Variants in BEND6 observed in about 807,000 individuals in gnomAD.
BEND6 encodes the protein BEN domain containing 6.
A neutral mutation model predicts 31.8 loss-of-function variants in BEND6; 24 were observed. The observed-to-expected ratio is 0.75, with a 90% CI of 0.55 to 1.06. BEND6 has a LOEUF of 1.06. BEND6 is among the 50% of genes least tolerant of loss of function. The pLI is 0.00. For missense variants in BEND6, 294 were observed against 327.4 expected (o/e 0.90, Z 0.79); for synonymous variants, 109 against 114.6 (o/e 0.95, Z 0.31).
Position 57,015,423 on chromosome 6 carries a change from A to G in BEND6, c.519+70A>G, listed in dbSNP as rs1449128520. 6.8e-6 allele frequency: 9 copies of G among 1,326,872 alleles called. 1 individual carries two copies. In the Admixed American group the frequency reaches 1.7e-4, roughly 26 times the overall value. The allele number at this position is 1,326,872 out of a possible 1,614,324, so 82.2% of individuals were successfully genotyped here. ...ATAAAAAATTTAAATAAGGGTGGAA[A>G]ATGATCATTGTTTTATCAGATAACT... On this transcript the variant is annotated intron_variant, in intron 4 of 6. Transcript: ENST00000370746.
At chr6:56,991,404 T>C (rs1186449568) in intron 2 of BEND6, among the ~76,000 whole-genome samples, 1 of 152,018 alleles carries the variant, frequency 6.6e-6, no homozygotes, top group Non-Finnish European at 1.5e-5. Context: ...AGACAGGGTA[T>C]CCCTCTGTCA....
rs118125038 is a variant in BEND6 at position 56,995,151 on chromosome 6, T to C, written c.298+2596T>C. 5.9e-5 allele frequency among the ~76,000 whole-genome samples: 9 copies of C among 152,152 alleles called. No individual in the cohort carries two copies. In the East Asian group the frequency reaches 1.7e-3, roughly 29 times the overall value. On this transcript the variant is annotated intron_variant, in intron 3 of 6. Transcript: ENST00000370746. ...GCTCCAGAGATTCTGCCCTGTCTCC[T>C]GCAAGATCAAGTTTTCCTTCTCTAA...
chr6:57,011,715 C>CAAAAAAAAAAAAAAAAAAAAAAAAAAAAA (rs770049459), intron 3 of BEND6, among the ~76,000 whole-genome samples: 3 of 34,106 alleles, frequency 8.8e-5, no homozygotes, highest in Non-Finnish European at 1.8e-4. Context: ...GGCCCTGTCT[C>CAAAAAAAAAAAAAAAAAAAAAAAAAAAAA]AAAAAAAAAA....
intron 1 of BEND6, among the ~76,000 whole-genome samples, chr6:56,978,183 T>C (rs986569062): frequency 2.6e-5 from 4 of 151,460 alleles, no homozygotes; most frequent in African/African-American, 9.7e-5. Flanking sequence ...CTCTGGAGAC[T>C]GAGGCAAGAG....
rs757716717 is a variant in BEND6, at chr6:56,981,881, C to T, written c.71C>T (p.Thr24Ile). The change falls in exon 2 of 7, where the codon ACA (threonine) becomes ATA (isoleucine). Residue 24 changes from threonine to isoleucine, a missense_variant. Physicochemically the swap from Thr to Ile is moderately conservative, Grantham distance 89. Transcript: ENST00000370746. ...QAFRKGKRKRTETMDSENANS... is the reference protein window; with the variant it reads ...QAFRKGKRKRIETMDSENANS... ...TTTAGAAAAGGAAAGAGGAAAAGAACAGAGACAATGGACTCAGAAAATGCA... is the reference window on the plus strand; with the variant it reads ...TTTAGAAAAGGAAAGAGGAAAAGAATAGAGACAATGGACTCAGAAAATGCA... The T allele has an allele frequency of 1.2e-5, 20 of 1,612,810 alleles. No individual in the cohort carries two copies. Among genetic ancestry groups the T allele is most frequent in the Non-Finnish European group, 1.3e-5 (15 of 1,179,380 alleles).
At position 57,024,835 on chromosome 6, in the gene BEND6, A is replaced by G. The variant is rs368650546; in HGVS notation, c.*10-1247A>G. On this transcript the variant is annotated intron_variant, in intron 6 of 6. Transcript: ENST00000370746. ...TTGTGTGATTCCCTCTTGAATAATA[A>G]TAAGTCTTCGATTTGGTCTTTTGAG... 1.7e-4 allele frequency among the ~76,000 whole-genome samples: 26 copies of G among 152,320 alleles called. No individual in the cohort carries two copies. The East Asian group carries it at 4.0e-3, about 24-fold the overall frequency.
intron 3 of BEND6, among the ~76,000 whole-genome samples, chr6:56,993,138 G>A (rs1432118098): frequency 6.6e-6 from 1 of 152,162 alleles, no homozygotes; most frequent in Non-Finnish European, 1.5e-5. Flanking sequence ...GAAAAAAGGA[G>A]AAAGACAGCA....
At position 57,018,465 on chromosome 6, in the gene BEND6, A is replaced by G. The variant is rs1214378154; in HGVS notation, c.757A>G (p.Arg253Gly). Residue 253 changes from arginine to glycine, a missense_variant, in exon 6 of 7, where the codon AGG becomes GGG. By Grantham distance (125) the Arg-to-Gly change is moderately radical. Coordinates refer to ENST00000370746, the MANE Select transcript of BEND6 (RefSeq NM_152731.3). ...TCCCAATACGGATGATGTTTCAATT[A>G]GGAGAATGATAGGGCAAAAGCTAAA... ...LFPNTDDVSIRRMIGQKLNNC... is the reference protein window; with the variant it reads ...LFPNTDDVSIGRMIGQKLNNC... 3 of 1,590,168 alleles carry G rather than the reference A, an allele frequency of 1.9e-6. No individual in the cohort carries two copies. In the Admixed American group the frequency reaches 5.6e-5, roughly 30 times the overall value.
chr6:57,018,026 G>T (rs1391601235), intron 5 of BEND6, among the ~76,000 whole-genome samples: 1 of 152,212 alleles, frequency 6.6e-6, no homozygotes, highest in African/African-American at 2.4e-5. Context: ...GGTGGCTCAT[G>T]CCTGTAATCC....
chr6:57,020,277 AT>A (rs1247013962), intron 6 of BEND6, among the ~76,000 whole-genome samples: 4,614 of 130,756 alleles, frequency 0.035, 106 homozygotes, highest in African/African-American at 0.093. Context: ...CAAGTTCTCT[AT>A]TTTTTTTTTT....
At chr6:56,986,199 G>A (rs1303501102) in intron 2 of BEND6, among the ~76,000 whole-genome samples, 1 of 152,048 alleles carries the variant, frequency 6.6e-6, no homozygotes, top group African/African-American at 2.4e-5. Flanking sequence ...ACTAGAAGAT[G>A]TATTACATAT....
chr6:56,990,754 G>A (rs1826466254), intron 2 of BEND6, among the ~76,000 whole-genome samples: 1 of 152,100 alleles, frequency 6.6e-6, no homozygotes, highest in Admixed American at 6.5e-5. Context: ...TGTCTTCTGA[G>A]ATTTTTATTG....
intron 2 of BEND6, among the ~76,000 whole-genome samples, chr6:56,992,146 A>G (rs1826528068): frequency 6.6e-6 from 1 of 152,222 alleles, no homozygotes; most frequent in Admixed American, 6.5e-5. Context: ...GTTAGGCAGA[A>G]ATTCAGAATC....
intron 3 of BEND6, chr6:57,010,744 A>G (rs1284293973): frequency 4.5e-6 from 4 of 883,724 alleles, no homozygotes; most frequent in Non-Finnish European, 5.4e-6. Flanking sequence ...TAAATTCTAC[A>G]AAATTGTTGG....
intron 3 of BEND6, among the ~76,000 whole-genome samples, chr6:57,005,726 C>T (rs1164069611): frequency 6.7e-6 from 1 of 150,360 alleles, no homozygotes; most frequent in Non-Finnish European, 1.5e-5. Flanking sequence ...GAGAAGAGGC[C>T]AATTCATCCC....
At chr6:56,994,069 C>T (rs1045693925) in intron 3 of BEND6, among the ~76,000 whole-genome samples, 1 of 151,930 alleles carries the variant, frequency 6.6e-6, no homozygotes, top group Non-Finnish European at 1.5e-5. Flanking sequence ...TTGTGATTTC[C>T]AAAGAATACA....
At position 56,996,883 on chromosome 6, in the gene BEND6, C is replaced by T. The variant is rs189338097; in HGVS notation, c.298+4328C>T. 2.0e-5 allele frequency among the ~76,000 whole-genome samples: 3 copies of T among 152,326 alleles called. 1 individual carries two copies. Among genetic ancestry groups the T allele is most frequent in the Admixed American group, 2.0e-4 (3 of 15,296 alleles). ...GGTGGCATTGTAACTTGCATCCCTACTTCTGTTCTTGTTCCTATGAGGTCT... is the reference window on the plus strand; with the variant it reads ...GGTGGCATTGTAACTTGCATCCCTATTTCTGTTCTTGTTCCTATGAGGTCT... On this transcript the variant is annotated intron_variant, in intron 3 of 6. Transcript: ENST00000370746.
chr6:56,989,963 C>A (rs968816580), intron 2 of BEND6, among the ~76,000 whole-genome samples: 3 of 152,094 alleles, frequency 2.0e-5, no homozygotes, highest in Non-Finnish European at 2.9e-5. Flanking sequence ...CTAAGAAATT[C>A]TTTCCTGCCC....
At chr6:56,986,733 G>A (rs906584185) in intron 2 of BEND6, among the ~76,000 whole-genome samples, 6 of 152,056 alleles carry the variant, frequency 3.9e-5, no homozygotes, top group Non-Finnish European at 8.8e-5. Context: ...CAAGTTTTTC[G>A]AAGTCTTGCA....
Sources: allele counts gnomAD v4.1 joint callset (sites outside exome capture counted in the v4.1 genomes callset), GRCh38; gene constraint gnomAD v4.1.1; transcripts MANE v1.5; gene names NCBI Gene and HGNC (gene_info 2026-07-23, HGNC 2026-07-21).